SUCLG2: variants seen among roughly 807,000 people sequenced by gnomAD.
SUCLG2 encodes succinate--CoA ligase [GDP-forming] subunit beta, mitochondrial.
Under a neutral mutation model 47.9 loss-of-function variants are expected in SUCLG2, and 42 were observed. The ratio of observed to expected loss-of-function variants is 0.88; its 90% CI spans 0.69 to 1.14. SUCLG2 has a LOEUF of 1.14. Among genes scored for constraint, SUCLG2 ranks in the 50% most tolerant of loss-of-function variants. SUCLG2 has a pLI of 0.00. For synonymous variants in SUCLG2, 195 were observed against 197.3 expected (o/e 0.99, Z 0.10); for missense variants, 571 against 525.9 (o/e 1.09, Z -0.84).
chr3:67,635,168 G>GAGGA (rs1430113671), intron 1 of SUCLG2, among the ~76,000 whole-genome samples: 1 of 152,194 alleles, frequency 6.6e-6, no homozygotes, highest in African/African-American at 2.4e-5. Flanking sequence ...TCAAATACAT[G>GAGGA]ACGAAAATCT....
chr3:67,362,473 G>T (rs1371052938), intron 10 of SUCLG2, among the ~76,000 whole-genome samples: 2 of 152,062 alleles, frequency 1.3e-5, no homozygotes, highest in East Asian at 1.9e-4. Flanking sequence ...TTATATCAGA[G>T]AACTTTTTAC....
At chr3:67,398,067 C>T (rs1397470219) in intron 10 of SUCLG2, among the ~76,000 whole-genome samples, 1 of 150,226 alleles carries the variant, frequency 6.7e-6, no homozygotes, top group South Asian at 2.1e-4. Context: ...CATAAAAACC[C>T]TAGAAGAAAA....
intron 1 of SUCLG2, among the ~76,000 whole-genome samples, chr3:67,625,033 G>A (rs912809939): frequency 1.3e-5 from 2 of 152,166 alleles, no homozygotes; most frequent in African/African-American, 4.8e-5. Flanking sequence ...CAGAGGAGCC[G>A]AAGAACCTAA....
intron 1 of SUCLG2, among the ~76,000 whole-genome samples, chr3:67,652,275 C>A (rs1701300045): frequency 6.6e-6 from 1 of 151,930 alleles, no homozygotes; most frequent in African/African-American, 2.4e-5. Flanking sequence ...TTTGAGAGAC[C>A]AGTTAAAGTT....
chr3:67,411,286 T>G lies in SUCLG2; in HGVS notation c.1063-10435A>C, dbSNP rs371020349. 5.9e-5 allele frequency among the ~76,000 whole-genome samples: 9 copies of G among 152,216 alleles called. No individual in the cohort carries two copies. The South Asian group carries it at 1.9e-3, about 32-fold the overall frequency. ...ACTTAAGACCACACAGATTCACACT[T>G]CACACCACAGAGAAATGAAGACAAA... On this transcript the variant is annotated intron_variant, in intron 9 of 10. Coordinates refer to ENST00000307227, the MANE Select transcript of SUCLG2 (RefSeq NM_003848.4).
Position 67,654,538 on chromosome 3 carries a change from CTAGGGCT to C in SUCLG2, c.42_48del (p.Ala15ArgfsTer16). On this transcript the variant is annotated frameshift_variant, in exon 1 of 11. Coordinates refer to ENST00000307227, the MANE Select transcript of SUCLG2 (RefSeq NM_003848.4). LOFTEE classifies it high-confidence loss of function. ...GCCGCCAGGAAGCGGGGCCGCAGCGCTAGGGCTCGCAGAAGCTTCCCGGCCTGCGCTG... is the reference window on the plus strand; with the variant it reads ...GCCGCCAGGAAGCGGGGCCGCAGCGCCGCAGAAGCTTCCCGGCCTGCGCTG... 1 of 1,262,806 alleles carries C rather than the reference CTAGGGCT, an allele frequency of 7.9e-7. No individual in the cohort carries two copies. Among genetic ancestry groups the C allele is most frequent in the Non-Finnish European group, 1.0e-6 (1 of 1,001,884 alleles). The allele number at this position is 1,262,806 out of a possible 1,614,324, so 78.2% of individuals were successfully genotyped here.
chr3:67,646,452 A>T (rs1483913622), intron 1 of SUCLG2, among the ~76,000 whole-genome samples: 1 of 152,006 alleles, frequency 6.6e-6, no homozygotes, highest in Non-Finnish European at 1.5e-5. Flanking sequence ...AAAATTAGCT[A>T]GGTGTGGTGG....
intron 2 of SUCLG2, among the ~76,000 whole-genome samples, chr3:67,593,018 C>A (rs534648664): frequency 9.3e-4 from 141 of 152,250 alleles, no homozygotes; most frequent in African/African-American, 3.1e-3. Flanking sequence ...AGGAAAATGA[C>A]CTTTGTTAGT....
intron 9 of SUCLG2, among the ~76,000 whole-genome samples, chr3:67,456,361 G>A (rs1416393594): frequency 6.6e-6 from 1 of 152,204 alleles, no homozygotes; most frequent in East Asian, 1.9e-4. Context: ...GGAAAAAATA[G>A]GTCCCTCTAT....
intron 9 of SUCLG2, among the ~76,000 whole-genome samples, chr3:67,484,115 G>A (rs1405846525): frequency 2.6e-5 from 4 of 152,154 alleles, no homozygotes; most frequent in Non-Finnish European, 5.9e-5. Context: ...CCTCCCTACT[G>A]CCACAATCCT....
At chr3:67,628,920 T>C (rs1455988340) in intron 1 of SUCLG2, among the ~76,000 whole-genome samples, 1 of 152,148 alleles carries the variant, frequency 6.6e-6, no homozygotes, top group African/African-American at 2.4e-5. Flanking sequence ...CAGGAGAACG[T>C]TATCAGTGAG....
At chr3:67,652,644 G>A (rs542235262) in intron 1 of SUCLG2, among the ~76,000 whole-genome samples, 3 of 152,290 alleles carry the variant, frequency 2.0e-5, no homozygotes, top group South Asian at 4.1e-4. Context: ...GTTACTACTG[G>A]CATGCAGATT....
At chr3:67,641,740 C>T (rs538901617) in intron 1 of SUCLG2, among the ~76,000 whole-genome samples, 1 of 152,256 alleles carries the variant, frequency 6.6e-6, no homozygotes, top group South Asian at 2.1e-4. Flanking sequence ...CAAAGTACCA[C>T]ATACTGGGTG....
intron 1 of SUCLG2, among the ~76,000 whole-genome samples, chr3:67,624,890 T>C (rs942778075): frequency 2.6e-5 from 4 of 152,222 alleles, no homozygotes; most frequent in Non-Finnish European, 5.9e-5. Flanking sequence ...CTGTCATTCA[T>C]TTGAAAAGTC....
chr3:67,523,156 G>C (rs944116285), intron 4 of SUCLG2, among the ~76,000 whole-genome samples: 1 of 152,146 alleles, frequency 6.6e-6, no homozygotes, highest in Admixed American at 6.5e-5. Context: ...AGTAGCATTA[G>C]ATTTTAACTA....
chr3:67,457,164 C>A (rs1704206766), intron 9 of SUCLG2, among the ~76,000 whole-genome samples: 1 of 152,182 alleles, frequency 6.6e-6, no homozygotes, highest in African/African-American at 2.4e-5. Context: ...TCTCTCCAAT[C>A]TCCATTTTTG....
chr3:67,637,778 G>A (rs1285111654), intron 1 of SUCLG2, among the ~76,000 whole-genome samples: 1 of 152,096 alleles, frequency 6.6e-6, no homozygotes, highest in Non-Finnish European at 1.5e-5. Flanking sequence ...GTTCAGAAAG[G>A]GAGCATCCAT....
chr3:67,508,179 TG>T (rs551626133), intron 7 of SUCLG2, among the ~76,000 whole-genome samples: 1 of 151,966 alleles, frequency 6.6e-6, no homozygotes, highest in African/African-American at 2.4e-5. Context: ...AGAGTTCAAC[TG>T]GGGGGGACTT....
At chr3:67,384,945 T>C (rs1204497958) in intron 10 of SUCLG2, among the ~76,000 whole-genome samples, 3 of 152,214 alleles carry the variant, frequency 2.0e-5, no homozygotes, top group African/African-American at 7.2e-5. Flanking sequence ...CCATAGGTAG[T>C]TCTGCCTCAG....
Sources: gnomAD v4.1 joint callset for allele counts (sites outside exome capture counted in the v4.1 genomes callset) on GRCh38, gnomAD v4.1.1 for gene constraint, MANE v1.5 for transcripts, NCBI Gene and HGNC (gene_info 2026-07-23, HGNC 2026-07-21) for gene names.